The following DLGAP2 variants were observed in gnomAD, a reference collection of about 807,000 sequenced individuals.
DLGAP2 encodes disks large-associated protein 2.
DLGAP2 carries 26 observed loss-of-function variants against 100.3 expected under a neutral mutation model. The observed-to-expected ratio is 0.26, with a 90% CI of 0.19 to 0.36. The LOEUF (loss-of-function observed/expected upper bound fraction) is 0.36, where lower values mean the gene tolerates loss of function less well. Ranked by LOEUF, DLGAP2 falls within the 10% of genes least tolerant of loss-of-function variation. DLGAP2 has a pLI of 1.00. For missense variants in DLGAP2, 1,858 were observed against 1,453.2 expected (o/e 1.28, Z -4.53); for synonymous variants, 886 against 630.1 (o/e 1.41, Z -6.08).
intron 2 of DLGAP2, among the ~76,000 whole-genome samples, chr8:1,252,607 C>T (rs1276990816): frequency 6.6e-6 from 1 of 152,288 alleles, no homozygotes; most frequent in Admixed American, 6.5e-5. Context: ...CAATTGCTTG[C>T]ATGAGTGAGT....
At chr8:1,563,698 C>T (rs1163183826) in intron 5 of DLGAP2, among the ~76,000 whole-genome samples, 1 of 152,074 alleles carries the variant, frequency 6.6e-6, no homozygotes, top group Non-Finnish European at 1.5e-5. Flanking sequence ...TCCCTTGGCT[C>T]CTGTCCTGGG....
At chr8:1,694,095 A>T (rs982078887) in intron 13 of DLGAP2, among the ~76,000 whole-genome samples, 6 of 152,208 alleles carry the variant, frequency 3.9e-5, no homozygotes, top group Non-Finnish European at 5.9e-5. Context: ...ATTTGGCTTA[A>T]AATTGTTCAT....
At chr8:1,067,538 C>T (rs1027466165) in intron 2 of DLGAP2, among the ~76,000 whole-genome samples, 10 of 152,206 alleles carry the variant, frequency 6.6e-5, no homozygotes, top group South Asian at 2.1e-4. Flanking sequence ...GGCCCACGCA[C>T]GCCTGGGCAA....
intron 2 of DLGAP2, among the ~76,000 whole-genome samples, chr8:908,750 G>T (rs932908756): frequency 1.1e-4 from 16 of 152,210 alleles, no homozygotes; most frequent in African/African-American, 3.9e-4. Context: ...CCTCTTTCGT[G>T]TGAGGGGCTC....
intron 3 of DLGAP2, among the ~76,000 whole-genome samples, chr8:1,351,382 T>A (rs567040710): frequency 3.1e-5 from 1 of 31,988 alleles, no homozygotes; most frequent in South Asian, 4.1e-3. Context: ...GGAAAGGCCG[T>A]GCGGGTCCTG....
chr8:1,483,965 T>A (rs1202356034), intron 3 of DLGAP2, among the ~76,000 whole-genome samples: 1 of 152,260 alleles, frequency 6.6e-6, no homozygotes, highest in African/African-American at 2.4e-5. Context: ...AACAGTGTTC[T>A]TGCCCATGGG....
At chr8:1,100,146 A>G (rs947304451) in intron 2 of DLGAP2, among the ~76,000 whole-genome samples, 4 of 149,098 alleles carry the variant, frequency 2.7e-5, no homozygotes, top group Admixed American at 2.0e-4. Flanking sequence ...AGCTTTGTCC[A>G]GCATGTCCAC....
chr8:1,242,963 TTCTC>T (rs1798831108), intron 2 of DLGAP2, among the ~76,000 whole-genome samples: 1 of 152,050 alleles, frequency 6.6e-6, no homozygotes, highest in African/African-American at 2.4e-5. Flanking sequence ...GGACAGAACT[TTCTC>T]TGATGACTCA....
intron 1 of DLGAP2, among the ~76,000 whole-genome samples, chr8:901,027 A>G (rs938105647): frequency 2.6e-5 from 4 of 152,230 alleles, no homozygotes; most frequent in Non-Finnish European, 4.4e-5. Flanking sequence ...GTAGTGGCTC[A>G]TGCCTGAAAT....
chr8:1,295,745 C>T (rs148804407), intron 3 of DLGAP2, among the ~76,000 whole-genome samples: 11 of 152,318 alleles, frequency 7.2e-5, no homozygotes, highest in East Asian at 1.9e-4. Context: ...CAGGTGACGC[C>T]GGGCAGGGGA....
rs373920888 is a variant in DLGAP2 at position 868,218 on chromosome 8, A to C, written c.19-39694A>C. Among the ~76,000 whole-genome samples the C allele has an allele frequency of 2.6e-5, 4 of 152,246 alleles. No individual in the cohort carries two copies. In the East Asian group the frequency reaches 7.7e-4, roughly 29 times the overall value. On this transcript the variant is annotated intron_variant, in intron 1 of 14. Coordinates refer to ENST00000637795, the MANE Select transcript of DLGAP2 (RefSeq NM_001346810.2). ...AGATTGTTTTTTATTCTGAGCACTT[A>C]TTTTTGTCTGTCCTGTGGGGTCACA...
chr8:1,100,018 A>T (rs949336558), intron 2 of DLGAP2, among the ~76,000 whole-genome samples: 1 of 152,256 alleles, frequency 6.6e-6, no homozygotes. Flanking sequence ...TGAACAAGTC[A>T]TAAGTTTTGA....
At position 937,064 on chromosome 8, in the gene DLGAP2, G is replaced by T. The variant is rs1032797336; in HGVS notation, c.73+29098G>T. ...TGCCATGATGGCCTCCTGTGTGAAG[G>T]CCCCGCACATCTACAGACATGTGGT... On this transcript the variant is annotated intron_variant, in intron 2 of 14. Transcript: ENST00000637795. Among the ~76,000 whole-genome samples the T allele has an allele frequency of 5.3e-5, 8 of 152,316 alleles. No individual in the cohort carries two copies. The East Asian group carries it at 1.4e-3, about 26-fold the overall frequency.
intron 3 of DLGAP2, among the ~76,000 whole-genome samples, chr8:1,261,501 C>G (rs1021719234): frequency 6.6e-6 from 1 of 151,578 alleles, no homozygotes; most frequent in Non-Finnish European, 1.5e-5. Flanking sequence ...TAAGAAGACT[C>G]CCCCTGTCCG....
chr8:900,189 C>T (rs1456156369), intron 1 of DLGAP2, among the ~76,000 whole-genome samples: 2 of 151,166 alleles, frequency 1.3e-5, no homozygotes, highest in African/African-American at 4.9e-5. Context: ...AGTGGGTGCC[C>T]TCCTCTTCAC....
At chr8:1,048,929 C>CA (rs1449181533) in intron 2 of DLGAP2, among the ~76,000 whole-genome samples, 1 of 152,148 alleles carries the variant, frequency 6.6e-6, no homozygotes, top group Non-Finnish European at 1.5e-5. Context: ...TGAACAGACT[C>CA]ACGGGTAGAA....
intron 4 of DLGAP2, among the ~76,000 whole-genome samples, chr8:1,513,881 T>G (rs1173185102): frequency 6.6e-6 from 1 of 152,222 alleles, no homozygotes; most frequent in African/African-American, 2.4e-5. Context: ...GACCCATCCT[T>G]GCCTTCCTTC....
intron 2 of DLGAP2, among the ~76,000 whole-genome samples, chr8:1,216,448 A>G (rs1203397186): frequency 6.6e-6 from 1 of 151,822 alleles, no homozygotes; most frequent in African/African-American, 2.4e-5. Flanking sequence ...TCCTGGGCTC[A>G]GGAGATCCTC....
At chr8:1,631,128 C>A (rs1797634782) in intron 7 of DLGAP2, among the ~76,000 whole-genome samples, 1 of 152,120 alleles carries the variant, frequency 6.6e-6, no homozygotes. Context: ...TGCTGCTCAA[C>A]CACTTTTTAT....
Sources: allele counts gnomAD v4.1 joint callset (sites outside exome capture counted in the v4.1 genomes callset), GRCh38; gene constraint gnomAD v4.1.1; transcripts MANE v1.5; gene names NCBI Gene and HGNC (gene_info 2026-07-23, HGNC 2026-07-21).